The following ANKRD18A variants were observed in gnomAD, a reference collection of about 807,000 sequenced individuals.
The protein encoded by ANKRD18A is ankyrin repeat domain 18A.
In ANKRD18A, 72 loss-of-function variants were observed where a neutral mutation model predicts 110.6. That is an observed-to-expected ratio of 0.65 (90% confidence interval 0.54 to 0.79). The LOEUF is 0.79. Ranked by LOEUF, ANKRD18A falls within the 30% of genes least tolerant of loss-of-function variation. The probability of loss-of-function intolerance (pLI) is 0.00; values close to 1 mark genes in which losing one functional copy is unlikely to be tolerated. For missense variants in ANKRD18A, 934 were observed against 1,163.3 expected (o/e 0.80, Z 2.87); for synonymous variants, 305 against 410.3 (o/e 0.74, Z 3.10).
At chr9:38,587,868 T>C (rs1432104180) in intron 11 of ANKRD18A, among the ~76,000 whole-genome samples, 1 of 152,138 alleles carries the variant, frequency 6.6e-6, no homozygotes, top group Non-Finnish European at 1.5e-5. Context: ...GGCAGGTGGA[T>C]CATGAGGTCA....
chr9:38,597,512 G>T (rs1824938881), intron 8 of ANKRD18A, among the ~76,000 whole-genome samples: 1 of 152,014 alleles, frequency 6.6e-6, no homozygotes, highest in African/African-American at 2.4e-5. Context: ...ACTTGATACT[G>T]GAAGTAAAAC....
At chr9:38,575,722 G>T (rs1193401593) in intron 14 of ANKRD18A, 24 bp from the exon 15 acceptor site, 2 of 1,519,396 alleles carry the variant, frequency 1.3e-6, no homozygotes, top group Admixed American at 4.5e-5. Flanking sequence ...AAAGACAAAT[G>T]CTTAGTATTT....
chr9:38,573,985 G>A (rs1823772403), intron 15 of ANKRD18A, among the ~76,000 whole-genome samples: 2 of 152,016 alleles, frequency 1.3e-5, no homozygotes, highest in Non-Finnish European at 2.9e-5. Context: ...CTAAGGTTTG[G>A]AGTACAATTG....
chr9:38,620,487 A>T lies in ANKRD18A; in HGVS notation c.-202T>A. Reference sequence around the variant, plus strand: ...AATCCGCGATCCAGCCCGGTCCACCACAGCCTTCAGCAGCGACACTCGCAG... The same window carrying T: ...AATCCGCGATCCAGCCCGGTCCACCTCAGCCTTCAGCAGCGACACTCGCAG... On this transcript the variant is annotated 5_prime_UTR_variant, in exon 1 of 16. Coordinates refer to ENST00000399703, the MANE Select transcript of ANKRD18A (RefSeq NM_147195.4). 2 of 1,415,236 alleles carry T rather than the reference A, an allele frequency of 1.4e-6. No homozygotes were observed. Among genetic ancestry groups the T allele is most frequent in the South Asian group, 3.1e-5 (2 of 65,258 alleles). 87.7% of individuals were successfully genotyped at this position (1,415,236 alleles called of 1,614,324 possible). A position where few individuals can be genotyped will look rare whatever the true frequency, so the allele number is the denominator to read the frequency against.
chr9:38,605,484 T>C (rs1736680764), intron 6 of ANKRD18A, among the ~76,000 whole-genome samples: 1 of 152,198 alleles, frequency 6.6e-6, no homozygotes, highest in Non-Finnish European at 1.5e-5. Context: ...TTTATACAGT[T>C]CAGATTGTAC....
intron 11 of ANKRD18A, among the ~76,000 whole-genome samples, chr9:38,586,691 A>G (rs1824396737): frequency 2.6e-5 from 4 of 152,192 alleles, no homozygotes; most frequent in South Asian, 2.1e-4. Flanking sequence ...CAGCCTCCCA[A>G]GTAAGCTGGG....
chr9:38,603,461 A>G (rs1202249048), intron 6 of ANKRD18A, among the ~76,000 whole-genome samples: 1 of 152,212 alleles, frequency 6.6e-6, no homozygotes, highest in Non-Finnish European at 1.5e-5. Flanking sequence ...AAAATGGGTC[A>G]GTACACTGCA....
At chr9:38,617,046 T>C (rs942411474) in intron 1 of ANKRD18A, among the ~76,000 whole-genome samples, 2 of 152,230 alleles carry the variant, frequency 1.3e-5, no homozygotes, top group Non-Finnish European at 2.9e-5. Flanking sequence ...AGGAATCTAA[T>C]TGACACTTAA....
At chr9:38,614,219 G>GTTTTTTTTTTTTT (rs58955752) in intron 3 of ANKRD18A, among the ~76,000 whole-genome samples, 25 of 68,850 alleles carry the variant, frequency 3.6e-4, no homozygotes, top group East Asian at 1.1e-3. Flanking sequence ...GAACACTGAG[G>GTTTTTTTTTTTTT]TTTTTTTTTT....
chr9:38,601,000 A>G (rs1459107204), intron 8 of ANKRD18A, 131 bp downstream of exon 8: 3 of 789,746 alleles, frequency 3.8e-6, no homozygotes, highest in Admixed American at 3.1e-5. Context: ...TTAAAATTCA[A>G]TATGAAATTA....
intron 15 of ANKRD18A, 144 bp downstream of exon 15, chr9:38,575,332 T>A: frequency 1.1e-6 from 1 of 883,340 alleles, no homozygotes; most frequent in Non-Finnish European, 1.6e-6. Flanking sequence ...ATGTAAAGTT[T>A]CCATTTCCTT....
intron 12 of ANKRD18A, among the ~76,000 whole-genome samples, chr9:38,581,813 G>A (rs1223245215): frequency 6.6e-6 from 1 of 151,884 alleles, no homozygotes; most frequent in Non-Finnish European, 1.5e-5. Flanking sequence ...CTGATAAATT[G>A]CCTGAATATT....
At chr9:38,605,105 A>G (rs1483126330) in intron 6 of ANKRD18A, among the ~76,000 whole-genome samples, 1 of 152,262 alleles carries the variant, frequency 6.6e-6, no homozygotes, top group Non-Finnish European at 1.5e-5. Context: ...TGTAATAAAT[A>G]ATAACTATAA....
chr9:38,586,157 A>C, intron 12 of ANKRD18A, 26 bp downstream of exon 12: 1 of 1,565,088 alleles, frequency 6.4e-7, no homozygotes, highest in Non-Finnish European at 8.7e-7. Context: ...AGACCTTAAG[A>C]TAAAATAATA....
intron 12 of ANKRD18A, among the ~76,000 whole-genome samples, chr9:38,578,837 C>T (rs1431367319): frequency 6.6e-6 from 1 of 152,166 alleles, no homozygotes; most frequent in African/African-American, 2.4e-5. Flanking sequence ...GAATTATGAC[C>T]ACATCACTGC....
At position 38,577,873 on chromosome 9, in the gene ANKRD18A, A is replaced by G. The variant is rs1335018882; in HGVS notation, c.2523T>C (p.His841=). The G allele has an allele frequency of 6.3e-7, 1 of 1,585,498 alleles. No individual in the cohort carries two copies. The highest frequency in any genetic ancestry group is 2.3e-4 in the Middle Eastern group (1 of 4,370). The change falls in exon 13 of 16, where the codon CAT becomes CAC. Residue 841 remains histidine, a synonymous_variant. Coordinates refer to ENST00000399703, the MANE Select transcript of ANKRD18A (RefSeq NM_147195.4). The stretch of plus-strand genomic sequence containing the variant: ...CCTGATTTTAAAAACTAACCTGTAA[A>G]TGGATTTCTTCTAATTTTTCTATTT... ...VQEIEKLEEI[H]LQKQAEYEKQ...
intron 6 of ANKRD18A, chr9:38,604,284 G>A (rs551221926): frequency 3.9e-5 from 6 of 151,928 alleles, no homozygotes; most frequent in East Asian, 1.9e-4. Context: ...GTGATAGAGC[G>A]AGACTACATC....
chr9:38,577,364 T>C, intron 13 of ANKRD18A, 100 bp from the exon 14 acceptor site: 1 of 1,215,216 alleles, frequency 8.2e-7, no homozygotes, highest in Non-Finnish European at 1.1e-6. Context: ...AGAGCAATTT[T>C]GAGTATGTTG....
rs1277590784 is a variant in ANKRD18A, at chr9:38,606,418, T to TG, written c.808+1007dup. ...CTAATCAACCTGAAGATGATAAAGA[T>TG]GAAGACTTTTGGGAGGATTTGCTTA... On this transcript the variant is annotated intron_variant, in intron 6 of 15. Coordinates refer to ENST00000399703, the MANE Select transcript of ANKRD18A (RefSeq NM_147195.4). Among the ~76,000 whole-genome samples, 5 of 152,336 alleles carry TG rather than the reference T, an allele frequency of 3.3e-5. No homozygotes were observed. The East Asian group carries it at 7.7e-4, about 23-fold the overall frequency.
Sources: gnomAD v4.1 joint callset for allele counts (sites outside exome capture counted in the v4.1 genomes callset) on GRCh38, gnomAD v4.1.1 for gene constraint, MANE v1.5 for transcripts, NCBI Gene and HGNC (gene_info 2026-07-23, HGNC 2026-07-21) for gene names.